The following PLEKHG7 variants were observed in gnomAD, a reference collection of about 807,000 sequenced individuals.
PLEKHG7 encodes pleckstrin homology and RhoGEF domain containing G7, also known as pleckstrin homology domain-containing family G member 7.
A neutral mutation model predicts 85.2 loss-of-function variants in PLEKHG7; 77 were observed. The observed-to-expected ratio is 0.90, with a 90% CI of 0.75 to 1.09. The LOEUF is 1.09. Ranked by LOEUF, PLEKHG7 falls within the 50% of genes least tolerant of loss-of-function variation. The probability of loss-of-function intolerance (pLI) is 0.00; values close to 1 mark genes in which losing one functional copy is unlikely to be tolerated. For missense variants in PLEKHG7, 777 were observed against 804.3 expected (o/e 0.97, Z 0.41); for synonymous variants, 301 against 302.4 (o/e 1.00, Z 0.05).
At chr12:92,737,617 G>A (rs1872198318) in intron 7 of PLEKHG7, 96 bp downstream of exon 7, 3 of 1,208,620 alleles carry the variant, frequency 2.5e-6, no homozygotes, top group East Asian at 5.0e-5. Context: ...AGAAAAGAAA[G>A]AGAGAAAAGA....
At chr12:92,703,807 C>T (rs1016411545) in intron 1 of PLEKHG7, among the ~76,000 whole-genome samples, 4 of 152,116 alleles carry the variant, frequency 2.6e-5, no homozygotes, top group African/African-American at 9.7e-5. Context: ...TAATTCTTAC[C>T]GATGTGAATC....
In PLEKHG7 at chr12:92,755,881, CAGG is replaced by C; in HGVS notation, c.1486_1488del (p.Glu496del). Reference sequence around the variant, plus strand: ...CAATTTCCAAAAATTTAGATATCTACAGGAGATTATAGTGTGGCCACCGCTTTG... The same window carrying C: ...CAATTTCCAAAAATTTAGATATCTACAGATTATAGTGTGGCCACCGCTTTG... On this transcript the variant is annotated inframe_deletion, in exon 12 of 17. Transcript: ENST00000344636. 1 of 1,613,504 alleles carries C rather than the reference CAGG, an allele frequency of 6.2e-7. No homozygotes were observed. The highest frequency in any genetic ancestry group is 8.5e-7 in the Non-Finnish European group (1 of 1,179,800).
rs1261590359 is a variant in PLEKHG7, at chr12:92,770,472, A to T, written c.*277A>T. On this transcript the variant is annotated 3_prime_UTR_variant, in exon 17 of 17. Coordinates refer to ENST00000344636, the MANE Select transcript of PLEKHG7 (RefSeq NM_001377329.1). ...GTTTGTAAGAGGTGTGAGTGAAGAA[A>T]GGTGCTAATTTGTAAAGGGTGAATG... 3.3e-5 allele frequency: 11 copies of T among 330,136 alleles called. No homozygotes were observed. The Admixed American group carries it at 5.2e-4, about 16-fold the overall frequency. 20.5% of individuals were successfully genotyped at this position (330,136 alleles called of 1,614,324 possible).
At chr12:92,723,403 A>T (rs1871700154) in intron 3 of PLEKHG7, among the ~76,000 whole-genome samples, 1 of 152,228 alleles carries the variant, frequency 6.6e-6, no homozygotes, top group African/African-American at 2.4e-5. Flanking sequence ...ATTCATCAGC[A>T]ACAATGGATT....
At position 92,740,934 on chromosome 12, in the gene PLEKHG7, GA is replaced by G. The variant is rs768182903; in HGVS notation, c.1022del (p.Glu341GlyfsTer3). The G allele has an allele frequency of 6.2e-7, 1 of 1,609,544 alleles. No individual in the cohort carries two copies. The highest frequency in any genetic ancestry group is 8.5e-7 in the Non-Finnish European group (1 of 1,176,546). ...VDLWRLFANLEELTQTSLGFV... is the reference protein window; with the variant it reads ...VDLWRLFANLXELTQTSLGFV... ...TTTATGGAGACTTTTTGCAAACCTG[GA>G]GGAGTTAACTCAGGTGAGCCAAGTA... On this transcript the variant is annotated frameshift_variant, in exon 8 of 17. Coordinates refer to ENST00000344636, the MANE Select transcript of PLEKHG7 (RefSeq NM_001377329.1). LOFTEE classifies it high-confidence loss of function.
intron 12 of PLEKHG7, 136 bp from the exon 13 acceptor site, chr12:92,756,161 TC>T: frequency 1.4e-6 from 1 of 727,826 alleles, no homozygotes; most frequent in Non-Finnish European, 2.3e-6. Context: ...TTTCATTGTT[TC>T]CCATTCCCAT....
intron 3 of PLEKHG7, among the ~76,000 whole-genome samples, chr12:92,714,848 T>A (rs1161401990): frequency 6.6e-6 from 1 of 152,200 alleles, no homozygotes; most frequent in Non-Finnish European, 1.5e-5. Context: ...TTCTCCATAC[T>A]ATTAGAAGTA....
chr12:92,765,023 G>GA lies in PLEKHG7; in HGVS notation c.1870+832dup, dbSNP rs890273418. 9.2e-5 allele frequency among the ~76,000 whole-genome samples: 14 copies of GA among 152,208 alleles called. No individual in the cohort carries two copies. In the East Asian group the frequency reaches 2.3e-3, roughly 25 times the overall value. On this transcript the variant is annotated intron_variant, in intron 15 of 16. Transcript: ENST00000344636. ...TCCCCATTGGAGGGGCCGGAAAAGA[G>GA]AAAGCGCTCACCATCCCCCTCAATT...
chr12:92,714,424 C>T (rs1272218651), intron 3 of PLEKHG7, among the ~76,000 whole-genome samples: 1 of 152,194 alleles, frequency 6.6e-6, no homozygotes, highest in Non-Finnish European at 1.5e-5. Context: ...TCATTCTTTT[C>T]CAATCAATGC....
chr12:92,706,972 G>A lies in PLEKHG7; in HGVS notation c.341G>A (p.Arg114Lys). The A allele has an allele frequency of 3.7e-6, 6 of 1,614,168 alleles. No homozygotes were observed. The East Asian group carries it at 6.7e-5, about 18-fold the overall frequency. The change falls in exon 2 of 17, where the codon AGG (arginine) becomes AAG (lysine). Residue 114 changes from arginine (R) to lysine (K), a missense_variant. Arg to Lys is a conservative substitution (Grantham distance 26). Coordinates refer to ENST00000344636, the MANE Select transcript of PLEKHG7 (RefSeq NM_001377329.1). Reference protein sequence around the residue: ...LHSRLTSEPERALNAADSLEP... With the variant: ...LHSRLTSEPEKALNAADSLEP... Reference sequence around the variant, plus strand: ...TCAAGATTGACCTCTGAACCTGAAAGGGCCCTGAATGCAGCTGACTCACTG... The same window carrying A: ...TCAAGATTGACCTCTGAACCTGAAAAGGCCCTGAATGCAGCTGACTCACTG...
At position 92,740,871 on chromosome 12, in the gene PLEKHG7, A is replaced by C; in HGVS notation, c.958A>C (p.Arg320=). 1 of 1,606,892 alleles carries C rather than the reference A, an allele frequency of 6.2e-7. No homozygotes were observed. The highest frequency in any genetic ancestry group is 2.2e-5 in the East Asian group (1 of 44,686). Reference sequence around the variant, plus strand: ...TTCAAAGATCTTTATGAATACACTAAGATATCTGCAAACTCATGAATATCT... The same window carrying C: ...TTCAAAGATCTTTATGAATACACTACGATATCTGCAAACTCATGAATATCT... ...VLKMIFMNTL[R]YLQTHEYLLD... The change falls in exon 8 of 17, where the codon AGA becomes CGA. Residue 320 remains arginine, a synonymous_variant. Transcript: ENST00000344636.
Position 92,770,683 on chromosome 12 carries a change from T to C in PLEKHG7, c.*488T>C, listed in dbSNP as rs1873386707. The C allele has an allele frequency of 6.6e-6, 1 of 152,640 alleles. No individual in the cohort carries two copies. The highest frequency in any genetic ancestry group is 1.5e-5 in the Non-Finnish European group (1 of 68,408). 9.5% of individuals were successfully genotyped at this position (152,640 alleles called of 1,614,324 possible). A position where few individuals can be genotyped will look rare whatever the true frequency, so the allele number is the denominator to read the frequency against. Reference sequence around the variant, plus strand: ...ATAAATCTTTAGATACAAAGCTTGATTGTTCTTTTAATATACAAAGCAATA... The same window carrying C: ...ATAAATCTTTAGATACAAAGCTTGACTGTTCTTTTAATATACAAAGCAATA... On this transcript the variant is annotated 3_prime_UTR_variant, in exon 17 of 17. Coordinates refer to ENST00000344636, the MANE Select transcript of PLEKHG7 (RefSeq NM_001377329.1).
At chr12:92,708,880 G>T (rs904149383) in intron 3 of PLEKHG7, among the ~76,000 whole-genome samples, 1 of 152,178 alleles carries the variant, frequency 6.6e-6, no homozygotes, top group Non-Finnish European at 1.5e-5. Flanking sequence ...ATGGCAAAGT[G>T]TATGGATGTA....
At chr12:92,709,769 A>G (rs7310628) in intron 3 of PLEKHG7, among the ~76,000 whole-genome samples, 1 of 152,188 alleles carries the variant, frequency 6.6e-6, no homozygotes, top group African/African-American at 2.4e-5. Context: ...CAGGCTGGGC[A>G]CAATGGCTCA....
chr12:92,728,756 A>G (rs1871897491), intron 3 of PLEKHG7, among the ~76,000 whole-genome samples: 1 of 151,984 alleles, frequency 6.6e-6, no homozygotes, highest in South Asian at 2.1e-4. Flanking sequence ...CTTTGGGTAG[A>G]TAGTCAGTAG....
rs1565787076 is a variant in PLEKHG7 at position 92,716,111 on chromosome 12, T to TTTTG, written c.530+8440_530+8443dup. Among the ~76,000 whole-genome samples the TTTTG allele has an allele frequency of 1.4e-3, 205 of 147,498 alleles. 1 individual carries two copies. Among genetic ancestry groups the TTTTG allele is most frequent in the African/African-American group, 5.2e-3 (195 of 37,326 alleles). On this transcript the variant is annotated intron_variant, in intron 3 of 16. Coordinates refer to ENST00000344636, the MANE Select transcript of PLEKHG7 (RefSeq NM_001377329.1). ...GTTTTGTTTTGTTTTGTTTTGTTTT[T>TTTTG]TTTGAGACAGAGTCTTGCTCTGTCA...
At chr12:92,756,146 G>C (rs941385763) in intron 12 of PLEKHG7, 152 bp from the exon 13 acceptor site, 73 of 702,618 alleles carry the variant, frequency 1.0e-4, no homozygotes, top group Non-Finnish European at 1.4e-4. Flanking sequence ...CCTTCTGAGA[G>C]GGTTTTTCAT....
chr12:92,737,341 G>A, intron 6 of PLEKHG7, 37 bp from the exon 7 acceptor site: 4 of 1,379,316 alleles, frequency 2.9e-6, no homozygotes, highest in Non-Finnish European at 3.8e-6. Flanking sequence ...CCACTGAGGT[G>A]GAAATGTTTT....
intron 10 of PLEKHG7, 52 bp downstream of exon 10, chr12:92,745,643 T>A (rs1165352581): frequency 8.4e-7 from 1 of 1,186,264 alleles, no homozygotes. Context: ...TTTTTGGGTG[T>A]CACATGTACT....
Sources: allele counts gnomAD v4.1 joint callset (sites outside exome capture counted in the v4.1 genomes callset), GRCh38; gene constraint gnomAD v4.1.1; transcripts MANE v1.5; gene names NCBI Gene and HGNC (gene_info 2026-07-23, HGNC 2026-07-21).